Variants in GABRG3 observed in about 807,000 individuals in gnomAD.
The protein encoded by GABRG3 is gamma-aminobutyric acid receptor subunit gamma-3.
Under a neutral mutation model 48.8 loss-of-function variants are expected in GABRG3, and 25 were observed. The ratio of observed to expected loss-of-function variants is 0.51; its 90% confidence interval spans 0.37 to 0.72. The LOEUF (loss-of-function observed/expected upper bound fraction) is 0.72. Ranked by LOEUF, GABRG3 falls within the 30% of genes least tolerant of loss-of-function variation. GABRG3 has a pLI of 0.00. For missense variants in GABRG3, 394 were observed against 577.9 expected (o/e 0.68, Z 3.26); for synonymous variants, 227 against 217.6 (o/e 1.04, Z -0.38).
intron 2 of GABRG3, among the ~76,000 whole-genome samples, chr15:27,017,303 A>G (rs1010426595): frequency 6.6e-6 from 1 of 152,170 alleles, no homozygotes; most frequent in Non-Finnish European, 1.5e-5. Context: ...AACCGCAATT[A>G]CTTTTGCACC....
intron 2 of GABRG3, among the ~76,000 whole-genome samples, chr15:26,987,313 C>A (rs535944684): frequency 6.6e-6 from 1 of 152,306 alleles, no homozygotes; most frequent in African/African-American, 2.4e-5. Flanking sequence ...TTATGAGTAC[C>A]GGAATAGAGC....
chr15:27,241,392 T>C (rs1025190806), intron 3 of GABRG3, among the ~76,000 whole-genome samples: 15 of 152,200 alleles, frequency 9.9e-5, no homozygotes, highest in Non-Finnish European at 1.9e-4. Flanking sequence ...TCTAGAACTG[T>C]TATACAAACC....
intron 3 of GABRG3, among the ~76,000 whole-genome samples, chr15:27,126,982 C>T (rs980506768): frequency 2.6e-4 from 39 of 151,970 alleles, no homozygotes; most frequent in African/African-American, 8.5e-4. Context: ...TCATGGCCAG[C>T]GGAGAGATTG....
At chr15:27,453,983 T>C (rs936307146) in intron 5 of GABRG3, among the ~76,000 whole-genome samples, 15 of 152,196 alleles carry the variant, frequency 9.9e-5, no homozygotes, top group African/African-American at 3.4e-4. Flanking sequence ...GCCTGTGTGC[T>C]TCCCTCCGTG....
intron 3 of GABRG3, among the ~76,000 whole-genome samples, chr15:27,084,167 T>C (rs1897037683): frequency 6.6e-6 from 1 of 152,260 alleles, no homozygotes. Context: ...TCAGATAAAC[T>C]GATGGAATGT....
chr15:27,485,138 T>A (rs892951967), intron 6 of GABRG3, among the ~76,000 whole-genome samples: 2 of 152,194 alleles, frequency 1.3e-5, no homozygotes, highest in African/African-American at 4.8e-5. Flanking sequence ...TCGGTGAACA[T>A]GGTCAGTGAT....
At chr15:27,189,670 G>C (rs1888228326) in intron 3 of GABRG3, among the ~76,000 whole-genome samples, 1 of 152,192 alleles carries the variant, frequency 6.6e-6, no homozygotes, top group South Asian at 2.1e-4. Flanking sequence ...CATGTCGTCT[G>C]CAAACAGGGA....
chr15:27,407,982 G>A (rs568654591), intron 5 of GABRG3, among the ~76,000 whole-genome samples: 7 of 152,272 alleles, frequency 4.6e-5, no homozygotes, highest in African/African-American at 9.6e-5. Flanking sequence ...ACAACAATGC[G>A]GTAGTAAATG....
chr15:27,403,406 A>T (rs746645119), intron 5 of GABRG3, among the ~76,000 whole-genome samples: 1 of 152,172 alleles, frequency 6.6e-6, no homozygotes, highest in Non-Finnish European at 1.5e-5. Flanking sequence ...CCAAATCAAA[A>T]ATTCCAAACC....
At chr15:27,008,661 C>G (rs147109274) in intron 2 of GABRG3, among the ~76,000 whole-genome samples, 2 of 151,910 alleles carry the variant, frequency 1.3e-5, no homozygotes, top group Admixed American at 1.3e-4. Context: ...ATTCTCCCCC[C>G]ACCACTCCCT....
intron 4 of GABRG3, among the ~76,000 whole-genome samples, chr15:27,327,425 G>T (rs561334487): frequency 6.6e-6 from 1 of 152,296 alleles, no homozygotes; most frequent in South Asian, 2.1e-4. Context: ...CCTAAGGGAA[G>T]TGGCAGCTCC....
intron 3 of GABRG3, among the ~76,000 whole-genome samples, chr15:27,082,137 T>C (rs915352259): frequency 6.6e-6 from 1 of 152,198 alleles, no homozygotes; most frequent in Non-Finnish European, 1.5e-5. Flanking sequence ...GGTTCAGACA[T>C]GGCCCTGACC....
At chr15:27,080,999 A>C (rs1200675759) in intron 3 of GABRG3, among the ~76,000 whole-genome samples, 1 of 152,118 alleles carries the variant, frequency 6.6e-6, no homozygotes, top group Non-Finnish European at 1.5e-5. Context: ...AGGCCACCCC[A>C]CTCAGGTCCT....
intron 3 of GABRG3, among the ~76,000 whole-genome samples, chr15:27,140,830 TTTG>T (rs1271778324): frequency 5.9e-5 from 9 of 152,326 alleles, no homozygotes; most frequent in South Asian, 2.1e-4. Flanking sequence ...ATCTATTGAT[TTTG>T]TTGTCTGTTT....
chr15:27,206,933 C>T (rs1245925356), intron 3 of GABRG3, among the ~76,000 whole-genome samples: 3 of 152,130 alleles, frequency 2.0e-5, no homozygotes, highest in African/African-American at 7.2e-5. Flanking sequence ...TACTTGGAGC[C>T]TATGGGTATC....
intron 6 of GABRG3, among the ~76,000 whole-genome samples, chr15:27,513,943 C>T (rs1405713536): frequency 6.6e-6 from 1 of 152,172 alleles, no homozygotes; most frequent in Non-Finnish European, 1.5e-5. Context: ...TTCAATATTT[C>T]ATTGAAGGAT....
rs553531778 is a variant in GABRG3, at chr15:27,365,696, GTAAT to G, written c.574+36810_574+36813del. On this transcript the variant is annotated intron_variant, in intron 5 of 9. Coordinates refer to ENST00000615808, the MANE Select transcript of GABRG3 (RefSeq NM_033223.5). ...CCCCACTACCATTATTTTTCTCTCT[GTAAT>G]TGATTATTACTAGGAAGGTTGTGTG... 2.0e-5 allele frequency: 3 copies of G among 152,220 alleles called. No individual in the cohort carries two copies. In the East Asian group the frequency reaches 5.8e-4, roughly 29 times the overall value. 9.4% of individuals were successfully genotyped at this position (152,220 alleles called of 1,614,324 possible).
chr15:27,246,000 C>G (rs1890257908), intron 3 of GABRG3, among the ~76,000 whole-genome samples: 1 of 152,170 alleles, frequency 6.6e-6, no homozygotes, highest in Non-Finnish European at 1.5e-5. Flanking sequence ...GCAGATGAAT[C>G]TCATGGCAAG....
chr15:27,419,380 T>G (rs2140608955), intron 5 of GABRG3, among the ~76,000 whole-genome samples: 1 of 152,302 alleles, frequency 6.6e-6, no homozygotes, highest in Non-Finnish European at 1.5e-5. Flanking sequence ...CCCTGTTCCT[T>G]TTAAGCCATC....
Sources: gnomAD v4.1 joint callset for allele counts (sites outside exome capture counted in the v4.1 genomes callset) on GRCh38, gnomAD v4.1.1 for gene constraint, MANE v1.5 for transcripts, NCBI Gene and HGNC (gene_info 2026-07-23, HGNC 2026-07-21) for gene names.